Variants in TBC1D30 observed in about 807,000 individuals in gnomAD.
TBC1D30 encodes the protein TBC1 domain family member 30.
A neutral mutation model predicts 63.2 loss-of-function variants in TBC1D30; 31 were observed. The observed-to-expected ratio is 0.49, with a 90% CI of 0.37 to 0.66. TBC1D30 has a LOEUF of 0.66. TBC1D30 is among the 30% of genes least tolerant of loss of function. The pLI, the probability that TBC1D30 is intolerant of heterozygous loss-of-function variation, is 0.00. For synonymous variants in TBC1D30, 307 were observed against 361.5 expected, an observed-to-expected ratio of 0.85 and a Z score of 1.71; for missense variants, 810 against 953.6, an observed-to-expected ratio of 0.85 and a Z score of 1.98.
intron 1 of TBC1D30, among the ~76,000 whole-genome samples, chr12:64,772,687 T>C (rs1244792): frequency 0.69 from 105,116 of 151,996 alleles, 37,811 homozygotes; most frequent in African/African-American, 0.9. Context: ...CTCGGCCTCC[T>C]AAAGTGCTGG....
chr12:64,777,138 C>T (rs905432952), upstream of TBC1D30, among the ~76,000 whole-genome samples: 6 of 152,118 alleles, frequency 3.9e-5, no homozygotes, highest in East Asian at 1.9e-4. Context: ...ATGACAAACC[C>T]GCAGCTAATA....
At position 64,875,790 on chromosome 12, in the gene TBC1D30, G is replaced by T. The variant is rs575995808; in HGVS notation, c.*2G>T. The T allele has an allele frequency of 3.9e-6, 6 of 1,526,368 alleles. No individual in the cohort carries two copies. In the East Asian group the frequency reaches 1.2e-4, roughly 31 times the overall value. 94.6% of individuals were successfully genotyped at this position (1,526,368 alleles called of 1,614,324 possible). A position where few individuals can be genotyped will look rare whatever the true frequency, so the allele number is the denominator to read the frequency against. ...AACAGTGGCACTAAAAAACGATGAT[G>T]TCTCCCCGAAACTTTGTATCTGGAC... On this transcript the variant is annotated 3_prime_UTR_variant, in exon 12 of 12. Transcript: ENST00000539867.
At chr12:64,785,909 A>G (rs1871541828) in exon 2 of TBC1D30, 1 of 1,289,722 alleles carries the variant, frequency 7.8e-7, no homozygotes. Flanking sequence ...CGATCCTTCG[A>G]GAGCTAAAGT....
At chr12:64,770,708 CTT>C (rs756602085) in intron 1 of TBC1D30, among the ~76,000 whole-genome samples, 14 of 143,986 alleles carry the variant, frequency 9.7e-5, no homozygotes, top group Admixed American at 7.0e-5. Flanking sequence ...CCTTTTTCTT[CTT>C]TTTTTTTTTT....
At chr12:64,762,684 A>G (rs756065943) in intron 1 of TBC1D30, among the ~76,000 whole-genome samples, 3 of 152,232 alleles carry the variant, frequency 2.0e-5, no homozygotes, top group African/African-American at 7.2e-5. Flanking sequence ...ACTGCCAGGC[A>G]TACTTCTTCA....
At position 64,830,521 on chromosome 12, in the gene TBC1D30, G is replaced by C. The variant is rs1273874900; in HGVS notation, c.408+19G>C. 1.3e-6 allele frequency: 2 copies of C among 1,514,828 alleles called. No individual in the cohort carries two copies. The highest frequency in any genetic ancestry group is 2.5e-5 in the South Asian group (2 of 81,466). The allele number at this position is 1,514,828 out of a possible 1,614,324, so 93.8% of individuals were successfully genotyped here. A position where few individuals can be genotyped will look rare whatever the true frequency, so the allele number is the denominator to read the frequency against. Reference sequence around the variant, plus strand: ...AGTCAAGGTAATGCCCCTGAACTTGGCCTGTCATCCTAATATAGAAGAAAG... The same window carrying C: ...AGTCAAGGTAATGCCCCTGAACTTGCCCTGTCATCCTAATATAGAAGAAAG... On this transcript the variant is annotated intron_variant, in intron 4 of 11. Transcript: ENST00000539867.
At chr12:64,776,158 A>C (rs1352432730), upstream of TBC1D30, among the ~76,000 whole-genome samples, 2 of 151,994 alleles carry the variant, frequency 1.3e-5, no homozygotes, top group Admixed American at 6.6e-5. Flanking sequence ...AGCACTAAAC[A>C]CCCTCATCAG....
intron 10 of TBC1D30, among the ~76,000 whole-genome samples, chr12:64,868,913 T>C (rs1382212445): frequency 6.6e-6 from 1 of 152,188 alleles, no homozygotes; most frequent in Non-Finnish European, 1.5e-5. Flanking sequence ...CCTCTAGATA[T>C]CCTGTAATTT....
chr12:64,869,779 A>C lies in TBC1D30; in HGVS notation c.1292-823A>C, dbSNP rs560519706. ...TCCTTACAGAAATGATTACAGTAAA[A>C]AAATGAATTTCTGAGATGTTTAGCC... On this transcript the variant is annotated intron_variant, in intron 10 of 11. Transcript: ENST00000539867. 3.9e-5 allele frequency among the ~76,000 whole-genome samples: 6 copies of C among 152,346 alleles called. No homozygotes were observed. In the South Asian group the frequency reaches 1.2e-3, roughly 32 times the overall value.
chr12:64,825,112 G>A (rs959693820), intron 1 of TBC1D30, 79 bp downstream of exon 1: 75 of 1,457,266 alleles, frequency 5.1e-5, no homozygotes, highest in Non-Finnish European at 6.4e-5. Flanking sequence ...GCCTGACTCC[G>A]TCTAGGCCGG....
intron 2 of TBC1D30, among the ~76,000 whole-genome samples, chr12:64,811,480 C>T (rs928102288): frequency 1.3e-5 from 2 of 152,200 alleles, no homozygotes; most frequent in Admixed American, 6.5e-5. Flanking sequence ...ATTTTCAGGA[C>T]AAATCATGTC....
chr12:64,841,410 C>G (rs1266090024), intron 7 of TBC1D30, among the ~76,000 whole-genome samples: 1 of 152,206 alleles, frequency 6.6e-6, no homozygotes, highest in Non-Finnish European at 1.5e-5. Context: ...CCATGCCTGG[C>G]CCACTGTGGT....
intron 10 of TBC1D30, chr12:64,868,354 G>T: frequency 6.0e-6 from 1 of 166,696 alleles, no homozygotes; most frequent in South Asian, 1.6e-4. Flanking sequence ...TTGAAGATCT[G>T]ACAAAGGTGA....
chr12:64,829,471 C>T, intron 3 of TBC1D30, among the ~76,000 whole-genome samples: 1 of 152,036 alleles, frequency 6.6e-6, no homozygotes, highest in East Asian at 1.9e-4. Flanking sequence ...ACTGTTTACT[C>T]AGATGGGAGG....
upstream of TBC1D30, among the ~76,000 whole-genome samples, chr12:64,824,224 T>C (rs80264245): frequency 0.036 from 5,450 of 152,266 alleles, 321 homozygotes; most frequent in African/African-American, 0.12. Context: ...TAATTTTTTT[T>C]TCCTTCATTT....
chr12:64,867,080 G>A (rs1878283849), intron 10 of TBC1D30, among the ~76,000 whole-genome samples, 177 bp downstream of exon 10: 1 of 152,136 alleles, frequency 6.6e-6, no homozygotes, highest in Non-Finnish European at 1.5e-5. Context: ...AGGAGGCTGA[G>A]ACAGCATGAT....
chr12:64,839,931 G>GGCT (rs1726119940), intron 7 of TBC1D30, among the ~76,000 whole-genome samples: 1 of 148,726 alleles, frequency 6.7e-6, no homozygotes, highest in Non-Finnish European at 1.5e-5. Flanking sequence ...CGTGAACCCA[G>GGCT]GGGACGGAGC....
chr12:64,817,993 G>A (rs1195628052), intron 2 of TBC1D30, among the ~76,000 whole-genome samples: 1 of 151,252 alleles, frequency 6.6e-6, no homozygotes, highest in Non-Finnish European at 1.5e-5. Flanking sequence ...AACCCAGGAA[G>A]TGGAGGTTGC....
At chr12:64,786,128 A>C in intron 2 of TBC1D30, 1 of 1,089,590 alleles carries the variant, frequency 9.2e-7, no homozygotes, top group South Asian at 1.4e-5. Context: ...GTGTTTGTGA[A>C]TATATTGAGA....
Sources: allele counts gnomAD v4.1 joint callset (sites outside exome capture counted in the v4.1 genomes callset), GRCh38; gene constraint gnomAD v4.1.1; transcripts MANE v1.5; gene names NCBI Gene and HGNC (gene_info 2026-07-23, HGNC 2026-07-21).